The following TARS2 variants were observed in gnomAD, a reference collection of about 807,000 sequenced individuals.
The protein encoded by TARS2 is threonine--tRNA ligase, mitochondrial.
Under a neutral mutation model 94.4 loss-of-function variants are expected in TARS2, and 61 were observed. The ratio of observed to expected loss-of-function variants is 0.65; its 90% CI spans 0.53 to 0.80. The LOEUF (loss-of-function observed/expected upper bound fraction) is 0.80. Among genes scored for constraint, TARS2 ranks in the 30% least tolerant of loss-of-function variants. The probability of loss-of-function intolerance (pLI) is 0.00; values close to 1 mark genes in which losing one functional copy is unlikely to be tolerated. For missense variants in TARS2, 704 were observed against 902.5 expected, an observed-to-expected ratio of 0.78 and a Z score of 2.82; for synonymous variants, 359 against 353.4, an observed-to-expected ratio of 1.02 and a Z score of -0.18.
At chr1:150,494,391 AGAT>A (rs1669551530) in intron 7 of TARS2, among the ~76,000 whole-genome samples, 1 of 145,586 alleles carries the variant, frequency 6.9e-6, no homozygotes, top group African/African-American at 2.6e-5. Context: ...AAAAAAAAAA[AGAT>A]AATGAAAACC....
intron 13 of TARS2, 104 bp from the exon 14 acceptor site, chr1:150,504,231 G>A (rs75108820): frequency 0.015 from 15,567 of 1,055,378 alleles, 153 homozygotes; most frequent in Non-Finnish European, 0.018. Context: ...GTAGTAGCCC[G>A]GGATGAGGGT....
rs1560251426 is a variant in TARS2 at position 150,497,603 on chromosome 1, CAG to C, written c.1095_1096del (p.Gly366AlafsTer18). ...TTTTCTACGAAGCTCTGGGAACAGTCAGGGCACTGGGAGCATTATCAGGAAGA... is the reference window on the plus strand; with the variant it reads ...TTTTCTACGAAGCTCTGGGAACAGTCGGCACTGGGAGCATTATCAGGAAGA... On this transcript the variant is annotated frameshift_variant, in exon 10 of 18. Coordinates refer to ENST00000369064, the MANE Select transcript of TARS2 (RefSeq NM_025150.5). LOFTEE classifies it high-confidence loss of function. 8.1e-6 allele frequency: 13 copies of C among 1,614,164 alleles called. No individual in the cohort carries two copies. Among genetic ancestry groups the C allele is most frequent in the Non-Finnish European group, 8.5e-6 (10 of 1,180,032 alleles).
At chr1:150,491,733 G>A (rs1560245673) in intron 6 of TARS2, 71 bp downstream of exon 6, 7 of 1,469,476 alleles carry the variant, frequency 4.8e-6, no homozygotes, top group East Asian at 4.5e-5. Context: ...ATGCGATAAG[G>A]GAAGAAAGAT....
chr1:150,497,418 G>GT, intron 9 of TARS2, 112 bp from the exon 10 acceptor site: 1 of 923,422 alleles, frequency 1.1e-6, no homozygotes, highest in South Asian at 1.5e-5. Context: ...TATTTAATAG[G>GT]TTGTGGTTGC....
At position 150,487,435 on chromosome 1, in the gene TARS2, A is replaced by T; in HGVS notation, c.-16A>T. 4 of 1,614,194 alleles carry T rather than the reference A, an allele frequency of 2.5e-6. No individual in the cohort carries two copies. The highest frequency in any genetic ancestry group is 3.4e-6 in the Non-Finnish European group (4 of 1,180,028). On this transcript the variant is annotated 5_prime_UTR_variant, in exon 1 of 18. Coordinates refer to ENST00000369064, the MANE Select transcript of TARS2 (RefSeq NM_025150.5). ...CGATAATCTGTTTGAGGATGTAGGC[A>T]CTGGTGTGAAGGAACATGGCCCTGT...
rs996242142 is a variant in TARS2, at chr1:150,496,586, G to C, written c.879G>C (p.Trp293Cys). 3.1e-6 allele frequency: 5 copies of C among 1,614,106 alleles called. No homozygotes were observed. The highest frequency in any genetic ancestry group is 4.2e-6 in the Non-Finnish European group (5 of 1,180,028). The change falls in exon 8 of 18, where the codon TGG (tryptophan) becomes TGC (cysteine). Residue 293 changes from tryptophan (W) to cysteine (C), a missense_variant. This residue lies in a region of TARS2 where 466 missense variants were observed against 609.5 expected (regional missense o/e 0.76). Transcript: ENST00000369064. ...TTELLRVWEA[W>C]REEAELRDHR... ...AATTGCTGAGGGTCTGGGAAGCATG[G>C]AGGGAGGAAGCAGAATTGCGGGACC...
intron 7 of TARS2, among the ~76,000 whole-genome samples, chr1:150,495,443 C>T (rs1015431299): frequency 2.0e-5 from 3 of 151,246 alleles, no homozygotes; most frequent in African/African-American, 7.3e-5. Flanking sequence ...GTTGCCCAGG[C>T]TGGAGTGCAG....
chr1:150,505,982 G>A (rs1191052584), intron 17 of TARS2, among the ~76,000 whole-genome samples: 1 of 152,170 alleles, frequency 6.6e-6, no homozygotes, highest in Non-Finnish European at 1.5e-5. Flanking sequence ...GGGAGCATCA[G>A]AGAGAAAGGG....
rs116552645 is a variant in TARS2 at position 150,498,948 on chromosome 1, G to A, written c.1453G>A (p.Val485Ile). ...CLDFLRSVYA[V>I]LGFSFRLALS... ...TGATTTCCTCCGTTCCGTCTATGCC[G>A]TTCTTGGCTTCTCCTTCCGCCTGGC... The change falls in exon 12 of 18, where the codon GTT becomes ATT. Residue 485 changes from valine (V) to isoleucine (I), a missense_variant. Coordinates refer to ENST00000369064, the MANE Select transcript of TARS2 (RefSeq NM_025150.5). 1,034 of 1,614,180 alleles carry A rather than the reference G, an allele frequency of 6.4e-4. 6 individuals carry two copies. The African/African-American group carries it at 0.011, about 17-fold the overall frequency.
In TARS2 at chr1:150,504,614, C is replaced by T. The variant is rs776935029; in HGVS notation, c.1719-18C>T. ...ATACTTCCACCATTCCATCCACCCC[C>T]CCCTTTTTCCTTTCAAGGCAGGCGG... On this transcript the variant is annotated intron_variant, in intron 14 of 17. Coordinates refer to ENST00000369064, the MANE Select transcript of TARS2 (RefSeq NM_025150.5). The T allele has an allele frequency of 7.4e-6, 12 of 1,612,448 alleles. No homozygotes were observed. The highest frequency in any genetic ancestry group is 1.0e-5 in the Non-Finnish European group (12 of 1,178,730).
Position 150,504,959 on chromosome 1 carries a change from A to G in TARS2, c.1874A>G (p.Gln625Arg). Residue 625 changes from glutamine to arginine, a missense_variant, in exon 16 of 18, where the codon CAA (glutamine) becomes CGA (arginine). Transcript: ENST00000369064. ...QVVVIPVGSE[Q>R]EEYAKEAQQS... is the part of the protein sequence containing the mutation. Reference sequence around the variant, plus strand: ...GTGGTCATCCCTGTGGGGAGTGAGCAAGAGGAATACGCCAAAGAGGTAAGG... The same window carrying G: ...GTGGTCATCCCTGTGGGGAGTGAGCGAGAGGAATACGCCAAAGAGGTAAGG... The G allele has an allele frequency of 6.2e-7, 1 of 1,614,176 alleles. No individual in the cohort carries two copies. The highest frequency in any genetic ancestry group is 8.5e-7 in the Non-Finnish European group (1 of 1,180,024).
At position 150,487,461 on chromosome 1, in the gene TARS2, A is replaced by G. The variant is rs116587387; in HGVS notation, c.11A>G (p.Tyr4Cys). 3.1e-6 allele frequency: 5 copies of G among 1,614,228 alleles called. No individual in the cohort carries two copies. In the East Asian group the frequency reaches 1.1e-4, roughly 36 times the overall value. ...CTGGTGTGAAGGAACATGGCCCTGT[A>G]TCAGAGGTGGCGGTGTCTCCGGCTC... MAL[Y>C]QRWRCLRLQG... The change falls in exon 1 of 18, where the codon TAT (tyrosine) becomes TGT (cysteine). Residue 4 changes from tyrosine to cysteine, a missense_variant. Physicochemically the swap from Tyr to Cys is radical, Grantham distance 194. Around this residue, in one of 3 missense-constraint regions of TARS2, gnomAD observed 208 missense variants for 228.5 expected, o/e 0.91. Transcript: ENST00000369064.
At position 150,498,669 on chromosome 1, in the gene TARS2, C is replaced by T. The variant is rs1469795308; in HGVS notation, c.1401+5C>T. On this transcript the variant is annotated splice_donor_5th_base_variant and intron_variant, in intron 11 of 17. Coordinates refer to ENST00000369064, the MANE Select transcript of TARS2 (RefSeq NM_025150.5). The stretch of plus-strand genomic sequence containing the variant: ...ATCTTCTGTACAACAGATCAGGTGG[C>T]CTTTCCCTGGCTCCACCAAAGCTTT... 3 of 1,613,406 alleles carry T rather than the reference C, an allele frequency of 1.9e-6. No homozygotes were observed. The highest frequency in any genetic ancestry group is 1.1e-5 in the South Asian group (1 of 90,986).
chr1:150,490,719 A>G lies in TARS2; in HGVS notation c.506A>G (p.Lys169Arg). The G allele has an allele frequency of 1.2e-6, 2 of 1,613,720 alleles. No individual in the cohort carries two copies. Among genetic ancestry groups the G allele is most frequent in the Non-Finnish European group, 8.5e-7 (1 of 1,179,930 alleles). ...YGFYHDFFLG[K>R]ERTIRGSELP... is the part of the protein sequence containing the mutation. ...TTTTACCATGATTTCTTCCTGGGAA[A>G]GGAGAGGTGAGTAATGAAAGGAAGG... Residue 169 changes from lysine to arginine, a missense_variant, in exon 4 of 18, where the codon AAG becomes AGG. This residue lies in a region of TARS2 where 208 missense variants were observed against 228.5 expected (regional missense o/e 0.91). Transcript: ENST00000369064.
In TARS2 at chr1:150,491,505, G is replaced by A. The variant is rs768915339; in HGVS notation, c.624G>A (p.Leu208=). 6.2e-7 allele frequency: 1 copy of A among 1,614,180 alleles called. No homozygotes were observed. The highest frequency in any genetic ancestry group is 8.5e-7 in the Non-Finnish European group (1 of 1,180,008). ...LEASRDQLRQ[L]FKDNPFKLHL... ...CTTCACGGGATCAGCTTCGCCAGTTGTTCAAGGTGGGGTGGAGGGAAGAGG... is the reference window on the plus strand; with the variant it reads ...CTTCACGGGATCAGCTTCGCCAGTTATTCAAGGTGGGGTGGAGGGAAGAGG... Residue 208 remains leucine (L), a synonymous_variant, in exon 5 of 18, where the codon TTG becomes TTA. Transcript: ENST00000369064.
At position 150,498,803 on chromosome 1, in the gene TARS2, CCT is replaced by C; in HGVS notation, c.1402-89_1402-88del. 5 of 1,609,238 alleles carry C rather than the reference CCT, an allele frequency of 3.1e-6. No homozygotes were observed. In the South Asian group the frequency reaches 4.4e-5, roughly 14 times the overall value. On this transcript the variant is annotated intron_variant, in intron 11 of 17. Coordinates refer to ENST00000369064, the MANE Select transcript of TARS2 (RefSeq NM_025150.5). ...TTCTACCCCCAGCTTGCTTCCGCTT[CCT>C]CTCTGTTTTTGCCCTTTGTTTTCCT...
At chr1:150,494,792 C>T (rs879388444) in intron 7 of TARS2, among the ~76,000 whole-genome samples, 1 of 152,098 alleles carries the variant, frequency 6.6e-6, no homozygotes, top group Non-Finnish European at 1.5e-5. Context: ...AATCCTAACA[C>T]TTTGGGAGGC....
Position 150,491,488 on chromosome 1 carries a change from G to A in TARS2, c.607G>A (p.Asp203Asn). The change falls in exon 5 of 18, where the codon GAT (aspartate) becomes AAT (asparagine). Residue 203 changes from aspartate to asparagine, a missense_variant. Around this residue, in one of 3 missense-constraint regions of TARS2, gnomAD observed 30 missense variants for 64.5 expected, o/e 0.47. Coordinates refer to ENST00000369064, the MANE Select transcript of TARS2 (RefSeq NM_025150.5). ...RPFRRLEASRDQLRQLFKDNP... is the reference protein window; with the variant it reads ...RPFRRLEASRNQLRQLFKDNP... ...CTTCCGGAGGCTAGAGGCTTCACGG[G>A]ATCAGCTTCGCCAGTTGTTCAAGGT... is the stretch of plus-strand genomic sequence containing the variant. 1.2e-6 allele frequency: 2 copies of A among 1,614,206 alleles called. No individual in the cohort carries two copies. The highest frequency in any genetic ancestry group is 1.7e-6 in the Non-Finnish European group (2 of 1,180,030).
intron 13 of TARS2, among the ~76,000 whole-genome samples, chr1:150,503,617 A>ATG (rs1553905465): frequency 0.025 from 3,133 of 123,936 alleles, 151 homozygotes; most frequent in African/African-American, 0.095. Flanking sequence ...GTGTATATAT[A>ATG]TGTGTGTGTA....
Sources: allele counts gnomAD v4.1 joint callset (sites outside exome capture counted in the v4.1 genomes callset), GRCh38; gene constraint gnomAD v4.1.1; regional missense constraint gnomAD v4.1.1; transcripts MANE v1.5; gene names NCBI Gene and HGNC (gene_info 2026-07-23, HGNC 2026-07-21).